ADAM28: variants seen among roughly 807,000 people sequenced by gnomAD.
ADAM28 encodes the protein ADAM metallopeptidase domain 28.
In ADAM28, 105 loss-of-function variants were observed where a neutral mutation model predicts 101.2. That is an observed-to-expected ratio of 1.04 (90% CI 0.89 to 1.22). The LOEUF (loss-of-function observed/expected upper bound fraction) is 1.22. ADAM28 is among the 50% of genes most tolerant of loss of function. The probability of loss-of-function intolerance (pLI) is 0.00; values close to 1 mark genes in which losing one functional copy is unlikely to be tolerated. For synonymous variants in ADAM28, 322 were observed against 310.6 expected (o/e 1.04, Z -0.39); for missense variants, 1,028 against 945.4 (o/e 1.09, Z -1.15).
chr8:24,308,578 G>T lies in ADAM28; in HGVS notation c.151-1316G>T, dbSNP rs1325540338. 4 of 455,356 alleles carry T rather than the reference G, an allele frequency of 8.8e-6. No homozygotes were observed. In the East Asian group the frequency reaches 2.8e-4, roughly 32 times the overall value. The allele number at this position is 455,356 out of a possible 1,614,324, so 28.2% of individuals were successfully genotyped here. On this transcript the variant is annotated intron_variant, in intron 2 of 22. Transcript: ENST00000265769. ...ATTCTAGCTAGGCTTTCTTAATCCT[G>T]AACAGTAAGAGGTTATGACTATTCT...
chr8:24,313,758 ATT>A lies in ADAM28; in HGVS notation c.576+193_576+194del, dbSNP rs11458720. ...TTTAACAAGTACTTAGGAATCAACT[ATT>A]TTTTTTTTTTTTTTGAGATGGAGTT... is the stretch of plus-strand genomic sequence containing the variant. On this transcript the variant is annotated intron_variant, in intron 6 of 22. Coordinates refer to ENST00000265769, the MANE Select transcript of ADAM28 (RefSeq NM_014265.6). Among the ~76,000 whole-genome samples the A allele has an allele frequency of 2.5e-3, 342 of 139,188 alleles. 5 individuals are homozygous for A. The highest frequency in any genetic ancestry group is 8.0e-3 in the African/African-American group (302 of 37,608). 91.3% of individuals were successfully genotyped at this position (139,188 alleles called of 152,430 possible). A position where few individuals can be genotyped will look rare whatever the true frequency, so the allele number is the denominator to read the frequency against.
chr8:24,307,422 C>T (rs938168230), intron 2 of ADAM28, among the ~76,000 whole-genome samples: 3 of 152,116 alleles, frequency 2.0e-5, no homozygotes, highest in African/African-American at 7.2e-5. Flanking sequence ...TCACACATGC[C>T]ACATTGCTTA....
intron 8 of ADAM28, chr8:24,322,600 AG>A (rs978458305): frequency 2.0e-5 from 3 of 152,074 alleles, no homozygotes; most frequent in African/African-American, 7.2e-5. Flanking sequence ...CCTGTGTTCA[AG>A]GGCAGAAGGA....
intron 2 of ADAM28, among the ~76,000 whole-genome samples, chr8:24,303,055 T>C (rs1431962754): frequency 2.0e-5 from 3 of 152,148 alleles, no homozygotes; most frequent in Admixed American, 2.0e-4. Context: ...CTTTGTCAGA[T>C]CAATAGATTG....
chr8:24,346,914 GT>G (rs1359121820), intron 18 of ADAM28: 1 of 152,046 alleles, frequency 6.6e-6, no homozygotes, highest in African/African-American at 2.4e-5. Context: ...TGTGTATAAA[GT>G]TTTTAAACAC....
chr8:24,343,530 C>G lies in ADAM28; in HGVS notation c.1936C>G (p.Gln646Glu). ...HAVCDHELQC[Q>E]CEEGWIPPDC... ...GGTGTGTGACCATGAGCTCCAGTGT[C>G]AATGTGAGGAAGGATGGATCCCTCC... is the stretch of plus-strand genomic sequence containing the variant. The change falls in exon 18 of 23, where the codon CAA becomes GAA. Residue 646 changes from glutamine to glutamate, a missense_variant. Transcript: ENST00000265769. The G allele has an allele frequency of 1.2e-6, 2 of 1,613,772 alleles. No individual in the cohort carries two copies. Among genetic ancestry groups the G allele is most frequent in the South Asian group, 2.2e-5 (2 of 91,062 alleles).
Position 24,321,288 on chromosome 8 carries a change from T to C in ADAM28, c.719T>C (p.Met240Thr), listed in dbSNP as rs772933423. ...TTTGAGATGGCTAATTATGTCAACA[T>C]GGTAAGACATATTTTATTACCTGCA... The part of the protein sequence containing the change: ...RVFEMANYVN[M>T]LYKKLNTHVA... The change falls in exon 8 of 23, where the codon ATG becomes ACG. Residue 240 changes from methionine to threonine, a missense_variant and splice_region_variant. Coordinates refer to ENST00000265769, the MANE Select transcript of ADAM28 (RefSeq NM_014265.6). 1 of 1,599,398 alleles carries C rather than the reference T, an allele frequency of 6.3e-7. No homozygotes were observed. The highest frequency in any genetic ancestry group is 8.6e-7 in the Non-Finnish European group (1 of 1,167,330).
chr8:24,324,313 G>A (rs1324639669), intron 9 of ADAM28, among the ~76,000 whole-genome samples: 2 of 151,956 alleles, frequency 1.3e-5, no homozygotes, highest in African/African-American at 2.4e-5. Flanking sequence ...TTAGGCTCAA[G>A]TTAGAAGAAA....
intron 7 of ADAM28, 130 bp downstream of exon 7, chr8:24,320,437 C>G: frequency 3.1e-6 from 2 of 650,076 alleles, no homozygotes; most frequent in Non-Finnish European, 5.1e-6. Flanking sequence ...ACATGTTCTT[C>G]TAAAACTATG....
chr8:24,309,648 G>A (rs1300073430), intron 2 of ADAM28, among the ~76,000 whole-genome samples: 1 of 152,078 alleles, frequency 6.6e-6, no homozygotes, highest in Admixed American at 6.6e-5. Flanking sequence ...TCACTCAAAC[G>A]ATACTTTAAA....
chr8:24,309,903 G>A lies in ADAM28; in HGVS notation c.160G>A (p.Glu54Lys). ...AKEPEQQEQFETELKYKMTIN... is the reference protein window; with the variant it reads ...AKEPEQQEQFKTELKYKMTIN... ...TTGTGTATTTTTGCAGGAACAATTT[G>A]AAACTGAATTAAAGTATAAAATGAC... is the stretch of plus-strand genomic sequence containing the variant. Residue 54 changes from glutamate to lysine, a missense_variant, in exon 3 of 23, where the codon GAA (glutamate) becomes AAA (lysine). Coordinates refer to ENST00000265769, the MANE Select transcript of ADAM28 (RefSeq NM_014265.6). 1 of 1,548,844 alleles carries A rather than the reference G, an allele frequency of 6.5e-7. No individual in the cohort carries two copies.
At chr8:24,331,025 T>C in intron 11 of ADAM28, 125 bp from the exon 12 acceptor site, 6 of 880,046 alleles carry the variant, frequency 6.8e-6, no homozygotes, top group Non-Finnish European at 1.0e-5. Flanking sequence ...GATCTGGCAG[T>C]TGGTCAGTGG....
intron 17 of ADAM28, 96 bp downstream of exon 17, chr8:24,343,277 G>T (rs1815007839): frequency 7.0e-7 from 1 of 1,427,768 alleles, no homozygotes; most frequent in Admixed American, 1.8e-5. Context: ...AGCTTTAAAT[G>T]ATGATAATTA....
intron 18 of ADAM28, chr8:24,347,066 C>T (rs943252134): frequency 2.6e-5 from 4 of 151,992 alleles, no homozygotes; most frequent in African/African-American, 9.7e-5. Context: ...TCATTTTCTT[C>T]TTTTTCTCTA....
chr8:24,331,432 G>T (rs1431226485), intron 12 of ADAM28, 105 bp downstream of exon 12: 2 of 1,130,820 alleles, frequency 1.8e-6, no homozygotes, highest in East Asian at 5.7e-5. Flanking sequence ...GGTTTTTTGG[G>T]TAATTTTGGG....
chr8:24,351,377 T>G (rs1285663428), intron 20 of ADAM28, 67 bp downstream of exon 20: 1 of 1,426,528 alleles, frequency 7.0e-7, no homozygotes, highest in Non-Finnish European at 9.9e-7. Context: ...ACTCTTATCC[T>G]GACTACCTAT....
intron 2 of ADAM28, among the ~76,000 whole-genome samples, chr8:24,309,404 T>G (rs997294147): frequency 5.9e-5 from 9 of 152,194 alleles, no homozygotes; most frequent in Non-Finnish European, 1.2e-4. Context: ...TTAACTTCCC[T>G]TACTCACTTC....
intron 7 of ADAM28, 57 bp from the exon 8 acceptor site, chr8:24,321,161 C>A: frequency 9.1e-7 from 1 of 1,101,090 alleles, no homozygotes; most frequent in Non-Finnish European, 1.4e-6. Context: ...CCTTTTTAAC[C>A]TTCCAAGTAT....
intron 21 of ADAM28, 60 bp from the exon 22 acceptor site, chr8:24,353,710 C>A: frequency 9.3e-7 from 1 of 1,079,722 alleles, no homozygotes; most frequent in Non-Finnish European, 1.4e-6. Context: ...ATAAATATAG[C>A]TAAGATGGGA....
Sources: gnomAD v4.1 joint callset for allele counts (sites outside exome capture counted in the v4.1 genomes callset) on GRCh38, gnomAD v4.1.1 for gene constraint, MANE v1.5 for transcripts, NCBI Gene and HGNC (gene_info 2026-07-23, HGNC 2026-07-21) for gene names.